The following SEMA4A variants were observed in gnomAD, a reference collection of about 807,000 sequenced individuals.
The protein encoded by SEMA4A is semaphorin-4A.
SEMA4A carries 52 observed loss-of-function variants against 72.5 expected under a neutral mutation model. The observed-to-expected ratio is 0.72, with a 90% CI of 0.57 to 0.90. The LOEUF (loss-of-function observed/expected upper bound fraction) is 0.90, where lower values mean the gene tolerates loss of function less well. Among genes scored for constraint, SEMA4A ranks in the 40% least tolerant of loss-of-function variants. The pLI, the probability that SEMA4A is intolerant of heterozygous loss-of-function variation, is 0.00. For missense variants in SEMA4A, 926 were observed against 959.7 expected, an observed-to-expected ratio of 0.96 and a Z score of 0.46; for synonymous variants, 369 against 393.1, an observed-to-expected ratio of 0.94 and a Z score of 0.73.
intron 10 of SEMA4A, among the ~76,000 whole-genome samples, chr1:156,165,866 C>A (rs997148210): frequency 1.4e-5 from 2 of 145,980 alleles, no homozygotes; most frequent in African/African-American, 5.1e-5. Flanking sequence ...TATCTTAGTT[C>A]TTTCAGTTCT....
rs575211142 is a variant in SEMA4A, at chr1:156,157,227, T to C, written c.300+653T>C. Among the ~76,000 whole-genome samples the C allele has an allele frequency of 4.2e-4, 64 of 151,446 alleles. No individual in the cohort carries two copies. The highest frequency in any genetic ancestry group is 7.1e-4 in the Non-Finnish European group (48 of 67,776). On this transcript the variant is annotated intron_variant, in intron 3 of 14. Transcript: ENST00000368285. The surrounding 1 kb of genome is among the most constrained non-coding windows in gnomAD (Gnocchi z 4.5). ...TTTGAGATGGAGTCTCACTCTGTTGTCCAGGCTGGAGTGCAATGGCGTGAT... is the reference window on the plus strand; with the variant it reads ...TTTGAGATGGAGTCTCACTCTGTTGCCCAGGCTGGAGTGCAATGGCGTGAT...
Position 156,173,030 on chromosome 1 carries a change from C to T in SEMA4A, c.1315+24C>T, listed in dbSNP as rs201262417. 3.1e-6 allele frequency: 5 copies of T among 1,609,614 alleles called. No homozygotes were observed. In the South Asian group the frequency reaches 3.3e-5, roughly 11 times the overall value. On this transcript the variant is annotated intron_variant, in intron 11 of 14. Transcript: ENST00000368285. ...CAGTGAGTAAAGAGTTCCGGGACAT[C>T]CCCCAGAGGACTAGAGCAGAGGATG... is the stretch of plus-strand genomic sequence containing the variant.
Position 156,176,498 on chromosome 1 carries a change from C to G in SEMA4A, c.1787C>G (p.Ala596Gly). ...LASYYWSHGPAAVPEASSTVY... is the reference protein window; with the variant it reads ...LASYYWSHGPGAVPEASSTVY... ...TCTTATTATTGGAGTCATGGCCCAG[C>G]AGCAGTCCCAGAAGCCTCTTCCACT... is the stretch of plus-strand genomic sequence containing the variant. Residue 596 changes from alanine (A) to glycine (G), a missense_variant, in exon 15 of 15, where the codon GCA (alanine) becomes GGA (glycine). Ala to Gly is a moderately conservative substitution (Grantham distance 60). Coordinates refer to ENST00000368285, the MANE Select transcript of SEMA4A (RefSeq NM_022367.4). 1 of 1,614,174 alleles carries G rather than the reference C, an allele frequency of 6.2e-7. No homozygotes were observed. The highest frequency in any genetic ancestry group is 1.1e-5 in the South Asian group (1 of 91,084).
intron 13 of SEMA4A, 38 bp downstream of exon 13, chr1:156,175,281 C>T (rs1182044621): frequency 6.3e-7 from 1 of 1,587,644 alleles, no homozygotes; most frequent in South Asian, 1.1e-5. Context: ...GGATGGCCAG[C>T]CAGGACCCTT....
chr1:156,176,589 A>C lies in SEMA4A; in HGVS notation c.1878A>C (p.Ala626=). 6.2e-7 allele frequency: 1 copy of C among 1,614,142 alleles called. No individual in the cohort carries two copies. Among genetic ancestry groups the C allele is most frequent in the East Asian group, 2.2e-5 (1 of 44,870 alleles). The stretch of plus-strand genomic sequence containing the variant: ...TTGGGGGTCTCTACCAGTGCTGGGC[A>C]ACTGAGAATGGCTTTTCATACCCTG... The part of the protein sequence containing the change: ...DGVGGLYQCW[A]TENGFSYPVI... Residue 626 remains alanine, a synonymous_variant, in exon 15 of 15, where the codon GCA becomes GCC. Coordinates refer to ENST00000368285, the MANE Select transcript of SEMA4A (RefSeq NM_022367.4).
intron 2 of SEMA4A, chr1:156,155,897 T>G: frequency 4.6e-6 from 1 of 216,284 alleles, no homozygotes; most frequent in Non-Finnish European, 9.4e-6. Flanking sequence ...ACATGGATCT[T>G]TGAAGAAAAA....
chr1:156,158,241 C>G, intron 4 of SEMA4A, 109 bp downstream of exon 4: 1 of 1,305,996 alleles, frequency 7.7e-7, no homozygotes, highest in Non-Finnish European at 1.1e-6. Flanking sequence ...CTTGTTTGCA[C>G]GGTTATCTCC....
upstream of SEMA4A, among the ~76,000 whole-genome samples, chr1:156,152,097 C>G (rs1369232826): frequency 6.6e-6 from 1 of 152,120 alleles, no homozygotes; most frequent in Non-Finnish European, 1.5e-5. Context: ...TGAGGCAGAT[C>G]TGAATTTAAC....
Position 156,176,581 on chromosome 1 carries a change from T to C in SEMA4A, c.1870T>C (p.Cys624Arg), listed in dbSNP as rs768465437. The change falls in exon 15 of 15, where the codon TGC becomes CGC. Residue 624 changes from cysteine (C) to arginine (R), a missense_variant. Coordinates refer to ENST00000368285, the MANE Select transcript of SEMA4A (RefSeq NM_022367.4). ...GGATGGAGTTGGGGGTCTCTACCAG[T>C]GCTGGGCAACTGAGAATGGCTTTTC... ...VQDGVGGLYQCWATENGFSYP... is the reference protein window; with the variant it reads ...VQDGVGGLYQRWATENGFSYP... 5.6e-6 allele frequency: 9 copies of C among 1,614,142 alleles called. No individual in the cohort carries two copies. The highest frequency in any genetic ancestry group is 7.6e-6 in the Non-Finnish European group (9 of 1,180,018).
intron 9 of SEMA4A, among the ~76,000 whole-genome samples, chr1:156,162,330 C>A (rs1224882033): frequency 2.0e-5 from 3 of 152,308 alleles, no homozygotes; most frequent in African/African-American, 7.2e-5. Flanking sequence ...CCAAGGTCCC[C>A]GAGTCATGGT....
Position 156,176,392 on chromosome 1 carries a change from C to G in SEMA4A, c.1694-13C>G, listed in dbSNP as rs144540956. On this transcript the variant is annotated splice_polypyrimidine_tract_variant and intron_variant, in intron 14 of 14. Transcript: ENST00000368285. ...TCTCCCTTAACCCTTTTGCTCCTTT[C>G]TTTCTCCTACAGTTAAAGAAGTCCT... The G allele has an allele frequency of 4.6e-4, 741 of 1,598,468 alleles. 6 individuals are homozygous for G. Among genetic ancestry groups the G allele is most frequent in the South Asian group, 4.2e-3 (381 of 90,670 alleles).
chr1:156,172,076 G>T (rs1654844259), intron 10 of SEMA4A, among the ~76,000 whole-genome samples: 1 of 149,418 alleles, frequency 6.7e-6, no homozygotes. Flanking sequence ...GAGCCACTGT[G>T]CCCGGCTGTT....
intron 10 of SEMA4A, among the ~76,000 whole-genome samples, chr1:156,164,048 G>GAAA (rs34436852): frequency 1.6e-4 from 18 of 111,626 alleles, no homozygotes; most frequent in Non-Finnish European, 1.9e-4. Context: ...GTTTTTAAAT[G>GAAA]AAAAAAAAAA....
At position 156,171,773 on chromosome 1, in the gene SEMA4A, TAA is replaced by T. The variant is rs1392492954; in HGVS notation, c.1135-1052_1135-1051del. Among the ~76,000 whole-genome samples, 59 of 151,570 alleles carry T rather than the reference TAA, an allele frequency of 3.9e-4. No individual in the cohort carries two copies. The South Asian group carries it at 8.5e-3, about 22-fold the overall frequency. On this transcript the variant is annotated intron_variant, in intron 10 of 14. Transcript: ENST00000368285. ...TGTATTTTTTAATTAATTAATTAAT[TAA>T]TTAATTAATTTATTTATTTTGTTTT...
chr1:156,156,485 G>A lies in SEMA4A; in HGVS notation c.211G>A (p.Gly71Ser), dbSNP rs1416049642. 1.2e-6 allele frequency: 2 copies of A among 1,613,996 alleles called. No homozygotes were observed. Among genetic ancestry groups the A allele is most frequent in the Non-Finnish European group, 1.7e-6 (2 of 1,180,018 alleles). The change falls in exon 3 of 15, where the codon GGT becomes AGT. Residue 71 changes from glycine (G) to serine (S), a missense_variant. Physicochemically the swap from Gly to Ser is moderately conservative, Grantham distance 56. Transcript: ENST00000368285. ...LQDFDTLLLSGDGNTLYVGAR... is the reference protein window; with the variant it reads ...LQDFDTLLLSSDGNTLYVGAR... ...GGATTTTGACACTCTGCTCCTGAGT[G>A]GTGATGGAAATACTCTCTACGTGGG...
chr1:156,168,961 C>T (rs1654443190), intron 10 of SEMA4A, among the ~76,000 whole-genome samples: 1 of 151,952 alleles, frequency 6.6e-6, no homozygotes, highest in Non-Finnish European at 1.5e-5. Context: ...TTATTGAATC[C>T]CCCTCTTTCA....
intron 11 of SEMA4A, among the ~76,000 whole-genome samples, chr1:156,174,413 T>C (rs894179883): frequency 1.3e-5 from 2 of 152,086 alleles, no homozygotes; most frequent in African/African-American, 4.8e-5. Context: ...CGTAGAGGTG[T>C]GTGCGGGGGA....
intron 6 of SEMA4A, among the ~76,000 whole-genome samples, chr1:156,159,957 A>C (rs11264448): frequency 0.41 from 61,034 of 148,790 alleles, 12,806 homozygotes; most frequent in African/African-American, 0.47. Context: ...GAAACCATGT[A>C]TCAATGCACT....
upstream of SEMA4A, among the ~76,000 whole-genome samples, chr1:156,148,936 G>A (rs973133798): frequency 6.6e-6 from 1 of 151,418 alleles, no homozygotes; most frequent in African/African-American, 2.4e-5. Flanking sequence ...CCGAGTAGCT[G>A]GTACTGCAGG....
Sources: gnomAD v4.1 joint callset for allele counts (sites outside exome capture counted in the v4.1 genomes callset) on GRCh38, gnomAD v4.1.1 for gene constraint, Gnocchi (gnomAD v3.1) non-coding constraint, MANE v1.5 for transcripts, NCBI Gene and HGNC (gene_info 2026-07-23, HGNC 2026-07-21) for gene names.